Variants in ETV6 observed in about 807,000 individuals in gnomAD.
The protein encoded by ETV6 is ETS variant transcription factor 6.
ETV6 carries 16 observed loss-of-function variants against 51.1 expected under a neutral mutation model. The observed-to-expected ratio is 0.31, with a 90% CI of 0.21 to 0.48. ETV6 has a LOEUF of 0.48. Ranked by LOEUF, ETV6 falls within the 20% of genes least tolerant of loss-of-function variation. The probability of loss-of-function intolerance (pLI) is 0.99; values close to 1 mark genes in which losing one functional copy is unlikely to be tolerated. For missense variants in ETV6, 458 were observed against 594.8 expected (o/e 0.77, Z 2.39); for synonymous variants, 240 against 224.1 (o/e 1.07, Z -0.64).
intron 1 of ETV6, among the ~76,000 whole-genome samples, chr12:11,715,988 A>G (rs1865268170): frequency 6.6e-6 from 1 of 152,192 alleles, no homozygotes; most frequent in Non-Finnish European, 1.5e-5. Context: ...AATCTGGGTA[A>G]AAAGGAATTT....
chr12:11,859,118 GGTTTTTTTTTTTTTTTTTTTTTTTT>G (rs1168618967), intron 4 of ETV6, among the ~76,000 whole-genome samples: 6 of 41,794 alleles, frequency 1.4e-4, no homozygotes, highest in African/African-American at 2.1e-4. Flanking sequence ...ATATGAATCT[GGTTTTTTTTTTTTTTTTTTTTTTTT>G]TTTTTTTTTT....
chr12:11,733,999 A>G (rs1368889559), intron 1 of ETV6, among the ~76,000 whole-genome samples: 1 of 152,220 alleles, frequency 6.6e-6, no homozygotes, highest in African/African-American at 2.4e-5. Flanking sequence ...ATTACCTTGA[A>G]TTATTCCTCC....
At chr12:11,674,218 T>A (rs186337512) in intron 1 of ETV6, among the ~76,000 whole-genome samples, 7 of 152,190 alleles carry the variant, frequency 4.6e-5, no homozygotes, top group African/African-American at 1.4e-4. Context: ...AGTCCTTGCC[T>A]CGTTAGTTCC....
At chr12:11,817,637 T>A (rs1419012379) in intron 2 of ETV6, among the ~76,000 whole-genome samples, 1 of 152,184 alleles carries the variant, frequency 6.6e-6, no homozygotes, top group Non-Finnish European at 1.5e-5. Flanking sequence ...GCACAAATCA[T>A]TGTTGCTTTT....
chr12:11,719,752 C>T (rs1865346351), intron 1 of ETV6, among the ~76,000 whole-genome samples: 1 of 152,154 alleles, frequency 6.6e-6, no homozygotes, highest in Non-Finnish European at 1.5e-5. Context: ...GGGTCTGGGG[C>T]AAGGGACAAG....
At chr12:11,681,920 T>G (rs1281628290) in intron 1 of ETV6, among the ~76,000 whole-genome samples, 1 of 152,252 alleles carries the variant, frequency 6.6e-6, no homozygotes, top group Non-Finnish European at 1.5e-5. Context: ...TATGGCTGCA[T>G]AGTATTCCGT....
intron 1 of ETV6, among the ~76,000 whole-genome samples, chr12:11,676,151 C>G (rs1430492108): frequency 6.6e-6 from 1 of 152,142 alleles, no homozygotes; most frequent in Non-Finnish European, 1.5e-5. Flanking sequence ...TTGGAGAGGA[C>G]AGCAGACAGT....
chr12:11,783,201 G>C (rs1407939928), intron 2 of ETV6, among the ~76,000 whole-genome samples: 1 of 152,118 alleles, frequency 6.6e-6, no homozygotes, highest in Non-Finnish European at 1.5e-5. Flanking sequence ...GTGGCAAGAC[G>C]AGAAGGAAGA....
intron 1 of ETV6, among the ~76,000 whole-genome samples, chr12:11,686,628 A>G (rs1477913534): frequency 6.6e-6 from 1 of 152,126 alleles, no homozygotes; most frequent in Non-Finnish European, 1.5e-5. Flanking sequence ...CCCAGGTTCA[A>G]GTCATTCTCC....
chr12:11,772,356 T>C (rs143807270), intron 2 of ETV6, among the ~76,000 whole-genome samples: 203 of 152,334 alleles, frequency 1.3e-3, no homozygotes, highest in African/African-American at 4.7e-3. Flanking sequence ...CATGAACCTC[T>C]TCCCTGGGAA....
intron 2 of ETV6, among the ~76,000 whole-genome samples, chr12:11,784,742 C>T (rs1161516024): frequency 2.0e-5 from 3 of 151,886 alleles, no homozygotes; most frequent in African/African-American, 7.3e-5. Context: ...GCTCTTGCCT[C>T]GGCTGGAGTG....
At chr12:11,750,911 A>G (rs886845150) in intron 1 of ETV6, 12 of 471,962 alleles carry the variant, frequency 2.5e-5, no homozygotes, top group Non-Finnish European at 4.5e-5. Flanking sequence ...AAAGTTCAAG[A>G]AAAGTGCAGT....
In ETV6 at chr12:11,894,417, T is replaced by TG. The variant is rs1947359857; in HGVS notation, c.*3371_*3372insG. On this transcript the variant is annotated 3_prime_UTR_variant, in exon 8 of 8. Transcript: ENST00000396373. ...GCTATGTTGAAGGTAACATGAACTCTAAGATCTTGACCCAGGGCGACTTGG... is the reference window on the plus strand; with the variant it reads ...GCTATGTTGAAGGTAACATGAACTCTGAAGATCTTGACCCAGGGCGACTTGG... The TG allele has an allele frequency of 6.1e-6, 1 of 164,132 alleles. No individual in the cohort carries two copies. Among genetic ancestry groups the TG allele is most frequent in the African/African-American group, 2.9e-5 (1 of 34,642 alleles). The allele number at this position is 164,132 out of a possible 1,614,324, so 10.2% of individuals were successfully genotyped here. A position where few individuals can be genotyped will look rare whatever the true frequency, so the allele number is the denominator to read the frequency against.
chr12:11,871,355 A>AT lies in ETV6; in HGVS notation c.1009+1393dup, dbSNP rs1265262530. 1.4e-4 allele frequency among the ~76,000 whole-genome samples: 22 copies of AT among 151,910 alleles called. 1 individual carries two copies. The highest frequency in any genetic ancestry group is 4.8e-4 in the African/African-American group (20 of 41,348). On this transcript the variant is annotated intron_variant, in intron 5 of 7. Transcript: ENST00000396373. ...AGGCGCCCGCCACCATGCCCGGCTA[A>AT]TTTTTTTCATATTTTTAGTAGAGAC... is the stretch of plus-strand genomic sequence containing the variant.
intron 1 of ETV6, among the ~76,000 whole-genome samples, chr12:11,737,674 G>A (rs1206347917): frequency 4.6e-5 from 7 of 152,214 alleles, no homozygotes; most frequent in Non-Finnish European, 1.0e-4. Context: ...AGTGGATGAG[G>A]GAAGCAGCAT....
Position 11,649,779 on chromosome 12 carries a change from G to C in ETV6, c.-349G>C, listed in dbSNP as rs543464879. The C allele has an allele frequency of 1.4e-5, 2 of 147,560 alleles. No individual in the cohort carries two copies. Among genetic ancestry groups the C allele is most frequent in the East Asian group, 3.8e-4 (2 of 5,220 alleles). 9.1% of individuals were successfully genotyped at this position (147,560 alleles called of 1,614,324 possible). A position where few individuals can be genotyped will look rare whatever the true frequency, so the allele number is the denominator to read the frequency against. On this transcript the variant is annotated 5_prime_UTR_variant, in exon 1 of 8. Transcript: ENST00000396373. ...GGAAGGAAAACATTCGAGAGAGCGAGGGAGAGCCGCGGGAGGGCGGGGGGC... is the reference window on the plus strand; with the variant it reads ...GGAAGGAAAACATTCGAGAGAGCGACGGAGAGCCGCGGGAGGGCGGGGGGC...
intron 1 of ETV6, among the ~76,000 whole-genome samples, chr12:11,678,860 A>G (rs1050112126): frequency 6.6e-5 from 10 of 152,072 alleles, no homozygotes; most frequent in Admixed American, 1.3e-4. Flanking sequence ...GAGGCAGGGG[A>G]AAAAAAGGGA....
At position 11,741,485 on chromosome 12, in the gene ETV6, C is replaced by T. The variant is rs111523471; in HGVS notation, c.34-10965C>T. Reference sequence around the variant, plus strand: ...TTTTATTAACCTTGTCTTGCTCCTGCCACACACAAGTGCAGCCAGTGCTCA... The same window carrying T: ...TTTTATTAACCTTGTCTTGCTCCTGTCACACACAAGTGCAGCCAGTGCTCA... On this transcript the variant is annotated intron_variant, in intron 1 of 7. Coordinates refer to ENST00000396373, the MANE Select transcript of ETV6 (RefSeq NM_001987.5). 1.9e-3 allele frequency among the ~76,000 whole-genome samples: 289 copies of T among 152,332 alleles called. 1 individual carries two copies. The highest frequency in any genetic ancestry group is 6.7e-3 in the African/African-American group (279 of 41,580).
intron 2 of ETV6, among the ~76,000 whole-genome samples, chr12:11,827,489 T>C (rs1362018708): frequency 6.6e-6 from 1 of 152,106 alleles, no homozygotes; most frequent in African/African-American, 2.4e-5. Context: ...TTTTCTGAGG[T>C]CTGTTCATGT....
Sources: gnomAD v4.1 joint callset for allele counts (sites outside exome capture counted in the v4.1 genomes callset) on GRCh38, gnomAD v4.1.1 for gene constraint, MANE v1.5 for transcripts, NCBI Gene and HGNC (gene_info 2026-07-23, HGNC 2026-07-21) for gene names.